The following STOX2 variants were observed in gnomAD, a reference collection of about 807,000 sequenced individuals.
STOX2 encodes storkhead-box protein 2.
In STOX2, 28 loss-of-function variants were observed where a neutral mutation model predicts 60.9. That is an observed-to-expected ratio of 0.46 (90% CI 0.34 to 0.63). STOX2 has a LOEUF of 0.63. STOX2 is among the 30% of genes least tolerant of loss of function. The probability of loss-of-function intolerance (pLI) is 0.01; values close to 1 mark genes in which losing one functional copy is unlikely to be tolerated. For synonymous variants in STOX2, 472 were observed against 463.9 expected, an observed-to-expected ratio of 1.02 and a Z score of -0.22; for missense variants, 1,024 against 1,187.7, an observed-to-expected ratio of 0.86 and a Z score of 2.03.
chr4:184,011,328 C>T lies in STOX2; in HGVS notation c.2490C>T (p.Thr830=), dbSNP rs75579427. Residue 830 remains threonine (T), a synonymous_variant, in exon 3 of 4, where the codon ACC becomes ACT. Coordinates refer to ENST00000308497, the MANE Select transcript of STOX2 (RefSeq NM_020225.3). The surrounding 1 kb of genome is among the most constrained non-coding windows in gnomAD (Gnocchi z 4.4). ...TCACCCTTCTTGCTCCAAAAGAAAC[C>T]GACAGCAGCAGCAACCAGAGAGCCA... ...KNLTLLAPKE[T]DSSSNQRATH... 1.2e-4 allele frequency: 192 copies of T among 1,613,966 alleles called. 1 individual carries two copies. The African/African-American group carries it at 1.6e-3, about 13-fold the overall frequency.
rs1733595975 is a variant in STOX2, at chr4:184,001,604, GC to G, written c.319+128del. The stretch of plus-strand genomic sequence containing the variant: ...CATTCTTCCCCAAAACTGACCCGAA[GC>G]TTTCCTTACTTCTGTAATTAAAAAT... On this transcript the variant is annotated intron_variant, in intron 2 of 3. Transcript: ENST00000308497. This position sits in a 1 kb window ranked among gnomAD's most constrained non-coding sequence, Gnocchi z 4.2. 1.1e-6 allele frequency: 1 copy of G among 872,800 alleles called. No individual in the cohort carries two copies. The highest frequency in any genetic ancestry group is 3.3e-5 in the Admixed American group (1 of 29,882). The allele number at this position is 872,800 out of a possible 1,614,324, so 54.1% of individuals were successfully genotyped here.
intron 1 of STOX2, among the ~76,000 whole-genome samples, chr4:183,966,008 T>C (rs1338304800): frequency 6.6e-6 from 1 of 150,406 alleles, no homozygotes; most frequent in East Asian, 2.0e-4. Flanking sequence ...CATGTTGAGT[T>C]TGAGGCACTG....
intron 1 of STOX2, among the ~76,000 whole-genome samples, chr4:183,859,971 ATG>A (rs201276400): frequency 2.6e-4 from 39 of 152,108 alleles, no homozygotes; most frequent in African/African-American, 8.9e-4. Context: ...GCAGATTAGA[ATG>A]TGTGTGTGTG....
intron 3 of STOX2, chr4:184,014,676 C>T (rs1734296377): frequency 6.6e-6 from 1 of 152,056 alleles, no homozygotes; most frequent in South Asian, 2.1e-4. Context: ...ATCCGGAGCC[C>T]GCAGCTTGAA....
chr4:183,852,289 G>C lies in STOX2; in HGVS notation c.364+54234G>C, dbSNP rs373201216. Among the ~76,000 whole-genome samples, 15 of 112,776 alleles carry C rather than the reference G, an allele frequency of 1.3e-4. No individual in the cohort carries two copies. The South Asian group carries it at 2.7e-3, about 20-fold the overall frequency. The allele number at this position is 112,776 out of a possible 152,430, so 74.0% of individuals were successfully genotyped here. Reference sequence around the variant, plus strand: ...AGGATGAGAGAAACGATGAGGGAAAGGATGAGGGAAAGGATGAGAGAAACG... The same window carrying C: ...AGGATGAGAGAAACGATGAGGGAAACGATGAGGGAAAGGATGAGAGAAACG... On this transcript the variant is annotated intron_variant, in intron 1 of 2. Transcript: ENST00000513034.
intron 1 of STOX2, among the ~76,000 whole-genome samples, chr4:183,833,988 A>AT (rs1456426790): frequency 6.6e-6 from 1 of 151,514 alleles, no homozygotes; most frequent in Non-Finnish European, 1.5e-5. Flanking sequence ...TCTCAAAAAA[A>AT]AAAAAAAAAA....
rs1741623916 is a variant in STOX2, at chr4:183,906,722, G to A, written c.-69G>A. 1.3e-5 allele frequency: 19 copies of A among 1,424,984 alleles called. No individual in the cohort carries two copies. The highest frequency in any genetic ancestry group is 1.8e-5 in the Non-Finnish European group (19 of 1,076,892). The allele number at this position is 1,424,984 out of a possible 1,614,324, so 88.3% of individuals were successfully genotyped here. A position where few individuals can be genotyped will look rare whatever the true frequency, so the allele number is the denominator to read the frequency against. On this transcript the variant is annotated 5_prime_UTR_variant, in exon 1 of 4. Coordinates refer to ENST00000308497, the MANE Select transcript of STOX2 (RefSeq NM_020225.3). ...GCCCGGGTCGTGCCCGCCGTAGACGGATGAAGGAGCGCGCTGCGCCCCGGC... is the reference window on the plus strand; with the variant it reads ...GCCCGGGTCGTGCCCGCCGTAGACGAATGAAGGAGCGCGCTGCGCCCCGGC...
chr4:183,834,052 C>T (rs1232244495), intron 1 of STOX2, among the ~76,000 whole-genome samples: 1 of 151,732 alleles, frequency 6.6e-6, no homozygotes, highest in Non-Finnish European at 1.5e-5. Context: ...TATTTCTCCT[C>T]CTTAGAGCCA....
intron 1 of STOX2, among the ~76,000 whole-genome samples, chr4:183,950,193 C>T (rs1019270015): frequency 2.6e-5 from 4 of 151,722 alleles, no homozygotes; most frequent in Non-Finnish European, 4.4e-5. Flanking sequence ...ACACTTTGGT[C>T]ATTCATTCAT....
chr4:183,813,833 G>C (rs921088613), intron 1 of STOX2, among the ~76,000 whole-genome samples: 1 of 152,124 alleles, frequency 6.6e-6, no homozygotes, highest in East Asian at 1.9e-4. Flanking sequence ...ACTGACAAGG[G>C]TAAAATAAAT....
intron 1 of STOX2, among the ~76,000 whole-genome samples, chr4:183,840,587 A>T (rs1739834116): frequency 6.6e-6 from 1 of 152,186 alleles, no homozygotes; most frequent in African/African-American, 2.4e-5. Context: ...TATTTGCTGT[A>T]TTTTGACTGC....
intron 1 of STOX2, among the ~76,000 whole-genome samples, chr4:183,830,939 A>G (rs1278965003): frequency 6.6e-6 from 1 of 150,884 alleles, no homozygotes; most frequent in African/African-American, 2.4e-5. Flanking sequence ...ATATGATTGA[A>G]CAGTTTTCAG....
At chr4:183,872,077 A>G (rs113383377) in intron 1 of STOX2, among the ~76,000 whole-genome samples, 2 of 152,024 alleles carry the variant, frequency 1.3e-5, no homozygotes, top group African/African-American at 4.8e-5. Context: ...TTTTTTTGAA[A>G]CAGAGTCTCA....
chr4:183,963,171 A>C (rs1445769624), intron 1 of STOX2, among the ~76,000 whole-genome samples: 1 of 151,162 alleles, frequency 6.6e-6, no homozygotes, highest in Non-Finnish European at 1.5e-5. Flanking sequence ...GGACCAGTGG[A>C]TACACCTGGC....
At chr4:183,805,008 G>A (rs116204701) in intron 1 of STOX2, among the ~76,000 whole-genome samples, 1 of 152,174 alleles carries the variant, frequency 6.6e-6, no homozygotes, top group South Asian at 2.1e-4. Flanking sequence ...AAACTGAAAC[G>A]GTGTCTGTGT....
intron 1 of STOX2, among the ~76,000 whole-genome samples, chr4:183,877,559 C>A (rs1164167643): frequency 6.6e-6 from 1 of 152,168 alleles, no homozygotes; most frequent in African/African-American, 2.4e-5. Context: ...GCTCTGTATG[C>A]GTGCTCTGCA....
intron 2 of STOX2, among the ~76,000 whole-genome samples, chr4:184,008,439 C>A (rs1157061567): frequency 6.6e-6 from 1 of 152,198 alleles, no homozygotes; most frequent in South Asian, 2.1e-4. Context: ...AGTGTCAAAG[C>A]CTTCACTCAT....
chr4:183,935,173 G>A (rs1220738282), intron 1 of STOX2, among the ~76,000 whole-genome samples: 1 of 152,228 alleles, frequency 6.6e-6, no homozygotes, highest in Non-Finnish European at 1.5e-5. Flanking sequence ...TCCCCAGCAT[G>A]GATGTCCCGC....
At position 183,804,497 on chromosome 4, in the gene STOX2, C is replaced by T. The variant is rs148547445; in HGVS notation, c.364+6442C>T. 2.6e-5 allele frequency among the ~76,000 whole-genome samples: 4 copies of T among 152,314 alleles called. No homozygotes were observed. In the East Asian group the frequency reaches 7.7e-4, roughly 29 times the overall value. ...GACTGCAGCTGAGGTCAGAAGCAGG[C>T]CCAGGCCAGGTCCTGTGGGGCCGTG... On this transcript the variant is annotated intron_variant, in intron 1 of 2. Transcript: ENST00000513034.
Sources: gnomAD v4.1 joint callset for allele counts (sites outside exome capture counted in the v4.1 genomes callset) on GRCh38, gnomAD v4.1.1 for gene constraint, Gnocchi (gnomAD v3.1) non-coding constraint, MANE v1.5 for transcripts, NCBI Gene and HGNC (gene_info 2026-07-23, HGNC 2026-07-21) for gene names.